OLFM3: variants seen among roughly 807,000 people sequenced by gnomAD.
OLFM3 encodes noelin-3.
OLFM3 carries 20 observed loss-of-function variants against 48.6 expected under a neutral mutation model. That is an observed-to-expected ratio of 0.41 (90% CI 0.29 to 0.60). OLFM3 has a LOEUF of 0.60. OLFM3 is among the 20% of genes least tolerant of loss of function. The pLI, the probability that OLFM3 is intolerant of heterozygous loss-of-function variation, is 0.28. For missense variants in OLFM3, 437 were observed against 544.3 expected (o/e 0.80, Z 1.96); for synonymous variants, 222 against 198.1 (o/e 1.12, Z -1.01).
intron 1 of OLFM3, among the ~76,000 whole-genome samples, chr1:101,942,398 A>G (rs1044547260): frequency 1.3e-5 from 2 of 152,174 alleles, no homozygotes; most frequent in Non-Finnish European, 2.9e-5. Context: ...TTGTAATTGC[A>G]GTCTTATGTT....
intron 1 of OLFM3, among the ~76,000 whole-genome samples, chr1:101,986,126 C>A (rs562512935): frequency 2.0e-5 from 3 of 151,896 alleles, no homozygotes; most frequent in Non-Finnish European, 2.9e-5. Context: ...CCACCACGCC[C>A]GGCTAATTTT....
intron 4 of OLFM3, among the ~76,000 whole-genome samples, chr1:101,824,684 A>ACAAC (rs748141623): frequency 1.2e-3 from 185 of 148,038 alleles, no homozygotes; most frequent in Middle Eastern, 3.5e-3. Flanking sequence ...AACAACAACA[A>ACAAC]AAAACAGTTT....
chr1:101,827,367 G>C (rs564771002), intron 3 of OLFM3, among the ~76,000 whole-genome samples: 2 of 151,528 alleles, frequency 1.3e-5, no homozygotes, highest in Non-Finnish European at 2.9e-5. Context: ...CCAGGCTGGA[G>C]TGCAGTCAGT....
intron 1 of OLFM3, among the ~76,000 whole-genome samples, chr1:101,903,165 T>C (rs1481201273): frequency 6.6e-6 from 1 of 152,050 alleles, no homozygotes; most frequent in Admixed American, 6.6e-5. Flanking sequence ...AGAGTTGTCA[T>C]ATGTTTTAAA....
intron 1 of OLFM3, among the ~76,000 whole-genome samples, chr1:101,947,870 A>T (rs920696315): frequency 6.6e-6 from 1 of 152,182 alleles, no homozygotes; most frequent in Non-Finnish European, 1.5e-5. Flanking sequence ...GACTAAATCA[A>T]TTTCTGTATT....
At chr1:101,851,695 A>G (rs777140486) in intron 1 of OLFM3, among the ~76,000 whole-genome samples, 5 of 152,098 alleles carry the variant, frequency 3.3e-5, no homozygotes, top group Non-Finnish European at 5.9e-5. Flanking sequence ...CGAGGTAACT[A>G]CTAGAAAACT....
intron 1 of OLFM3, among the ~76,000 whole-genome samples, chr1:101,995,397 G>A (rs1480006189): frequency 1.3e-5 from 2 of 152,028 alleles, no homozygotes; most frequent in Admixed American, 6.5e-5. Flanking sequence ...AGTGTAAAAT[G>A]CTTTAAAGCT....
chr1:101,959,168 C>G (rs1660392645), intron 1 of OLFM3, among the ~76,000 whole-genome samples: 1 of 151,976 alleles, frequency 6.6e-6, no homozygotes, highest in South Asian at 2.1e-4. Flanking sequence ...GGCTGCAATG[C>G]ATGCAGGCAT....
At chr1:101,981,975 T>C (rs12023229) in intron 1 of OLFM3, among the ~76,000 whole-genome samples, 37,677 of 152,000 alleles carry the variant, frequency 0.25, 5,241 homozygotes, top group Middle Eastern at 0.36. Flanking sequence ...AAGAATTACT[T>C]TTAGCCCAAG....
In OLFM3 at chr1:101,836,882, T is replaced by A; in HGVS notation, c.213A>T (p.Glu71Asp). 3.7e-6 allele frequency: 6 copies of A among 1,614,136 alleles called. No homozygotes were observed. Among genetic ancestry groups the A allele is most frequent in the Non-Finnish European group, 4.2e-6 (5 of 1,179,982 alleles). ...AKSRQLRQLL[E>D]KVQNMSQSIE... ...ATAGGGGACACAGGACACCTACCTT[T>A]TCCAGTAGTTGGCGAAGTTGCCTGC... Residue 71 changes from glutamate (E) to aspartate (D), a missense_variant, in exon 2 of 6, where the codon GAA (glutamate) becomes GAT (aspartate). By Grantham distance (45) the Glu-to-Asp change is conservative (BLOSUM62 2). Around this residue, in one of 3 missense-constraint regions of OLFM3, gnomAD observed 314 missense variants for 365.5 expected, o/e 0.86. Coordinates refer to ENST00000370103, the MANE Select transcript of OLFM3 (RefSeq NM_058170.4).
At chr1:101,821,781 CTT>C (rs1311043964) in intron 4 of OLFM3, among the ~76,000 whole-genome samples, 1 of 152,060 alleles carries the variant, frequency 6.6e-6, no homozygotes, top group Non-Finnish European at 1.5e-5. Flanking sequence ...TCTCGATTAA[CTT>C]ATATAGCAAC....
chr1:101,982,657 A>G (rs1259481725), intron 1 of OLFM3, among the ~76,000 whole-genome samples: 1 of 152,174 alleles, frequency 6.6e-6, no homozygotes, highest in Non-Finnish European at 1.5e-5. Context: ...GCATAGAACA[A>G]TAAGCCTGAG....
intron 1 of OLFM3, among the ~76,000 whole-genome samples, chr1:101,843,014 T>C (rs541709933): frequency 2.6e-5 from 4 of 152,308 alleles, no homozygotes; most frequent in Admixed American, 1.3e-4. Context: ...AAAACAGAAT[T>C]TGGGGGGAAA....
intron 1 of OLFM3, among the ~76,000 whole-genome samples, chr1:101,911,642 T>G (rs1389892546): frequency 6.6e-6 from 1 of 152,186 alleles, no homozygotes. Context: ...GAGACAGCAA[T>G]GAGCTTTACA....
chr1:101,915,116 T>G (rs1658878826), intron 1 of OLFM3, among the ~76,000 whole-genome samples: 1 of 152,140 alleles, frequency 6.6e-6, no homozygotes, highest in South Asian at 2.1e-4. Context: ...TTGCACACAT[T>G]CAGTGTACGC....
chr1:101,907,463 T>C (rs968739366), intron 1 of OLFM3, among the ~76,000 whole-genome samples: 3 of 152,230 alleles, frequency 2.0e-5, no homozygotes, highest in Admixed American at 6.5e-5. Context: ...CTGTGCAGGC[T>C]ATAGAGAAAA....
chr1:101,915,365 A>T (rs1040248214), intron 1 of OLFM3, among the ~76,000 whole-genome samples: 1 of 115,856 alleles, frequency 8.6e-6, no homozygotes, highest in Non-Finnish European at 1.7e-5. Context: ...TTAATCTGTT[A>T]AAAAAAAAAG....
intron 1 of OLFM3, among the ~76,000 whole-genome samples, chr1:101,991,290 A>G (rs1557760432): frequency 6.6e-6 from 1 of 152,046 alleles, no homozygotes; most frequent in Non-Finnish European, 1.5e-5. Context: ...ATAACCTACC[A>G]AGACAACAGT....
chr1:101,978,283 C>T (rs80193483), intron 1 of OLFM3, among the ~76,000 whole-genome samples: 4,294 of 152,058 alleles, frequency 0.028, 89 homozygotes, highest in Non-Finnish European at 0.04. Flanking sequence ...GATTTTGCAT[C>T]ATTTGAACCA....
Sources: allele counts gnomAD v4.1 joint callset (sites outside exome capture counted in the v4.1 genomes callset), GRCh38; gene constraint gnomAD v4.1.1; regional missense constraint gnomAD v4.1.1; transcripts MANE v1.5; gene names NCBI Gene and HGNC (gene_info 2026-07-23, HGNC 2026-07-21).